CNTNAP2: variants seen among roughly 807,000 people sequenced by gnomAD.
The protein encoded by CNTNAP2 is contactin-associated protein-like 2.
Under a neutral mutation model 155.2 loss-of-function variants are expected in CNTNAP2, and 98 were observed. The ratio of observed to expected loss-of-function variants is 0.63; its 90% CI spans 0.54 to 0.75. The LOEUF (loss-of-function observed/expected upper bound fraction) is 0.75, where lower values mean the gene tolerates loss of function less well. Ranked by LOEUF, CNTNAP2 falls within the 30% of genes least tolerant of loss-of-function variation. The probability of loss-of-function intolerance (pLI) is 0.00; values close to 1 mark genes in which losing one functional copy is unlikely to be tolerated. For synonymous variants in CNTNAP2, 651 were observed against 631.2 expected (o/e 1.03, Z -0.47); for missense variants, 1,727 against 1,688.1 (o/e 1.02, Z -0.40).
At chr7:147,714,416 A>G (rs1796450806) in intron 13 of CNTNAP2, among the ~76,000 whole-genome samples, 1 of 136,710 alleles carries the variant, frequency 7.3e-6, no homozygotes. Context: ...GAAGAGAGAG[A>G]AAGAGGTTCT....
At chr7:147,407,850 C>T (rs1442159931) in intron 10 of CNTNAP2, among the ~76,000 whole-genome samples, 6 of 152,082 alleles carry the variant, frequency 3.9e-5, no homozygotes, top group Non-Finnish European at 7.3e-5. Context: ...GGAGCATTAG[C>T]CTCGGATGAT....
At chr7:146,441,070 C>A (rs1167531873) in intron 1 of CNTNAP2, among the ~76,000 whole-genome samples, 1 of 151,462 alleles carries the variant, frequency 6.6e-6, no homozygotes, top group Non-Finnish European at 1.5e-5. Flanking sequence ...ATTTCACTTA[C>A]TCATAAGTTG....
chr7:146,175,454 T>C (rs1345477478), intron 1 of CNTNAP2, among the ~76,000 whole-genome samples: 1 of 152,114 alleles, frequency 6.6e-6, no homozygotes, highest in Non-Finnish European at 1.5e-5. Flanking sequence ...GGTGGGGCTG[T>C]TCAGTTGGAG....
At chr7:146,740,283 G>A (rs1801690260) in intron 1 of CNTNAP2, among the ~76,000 whole-genome samples, 1 of 147,414 alleles carries the variant, frequency 6.8e-6, no homozygotes, top group Non-Finnish European at 1.5e-5. Context: ...TCAGCTCCAG[G>A]ATTTCTGTTT....
intron 21 of CNTNAP2, among the ~76,000 whole-genome samples, chr7:148,301,380 T>A (rs1422008560): frequency 1.0e-4 from 15 of 146,860 alleles, no homozygotes; most frequent in Non-Finnish European, 4.5e-5. Flanking sequence ...AAAAAAAGAC[T>A]ATGGGCAAGC....
intron 1 of CNTNAP2, among the ~76,000 whole-genome samples, chr7:146,612,280 T>C (rs1400414079): frequency 1.3e-5 from 2 of 152,202 alleles, no homozygotes; most frequent in Non-Finnish European, 1.5e-5. Flanking sequence ...TGGACCTTTT[T>C]TCTTGTTCCA....
intron 1 of CNTNAP2, among the ~76,000 whole-genome samples, chr7:146,377,078 G>T (rs928589652): frequency 3.3e-5 from 5 of 152,034 alleles, no homozygotes; most frequent in Non-Finnish European, 7.4e-5. Flanking sequence ...CAGCACAAAT[G>T]GTCTCATACA....
intron 9 of CNTNAP2, among the ~76,000 whole-genome samples, chr7:147,361,075 G>A (rs1796140391): frequency 6.6e-6 from 1 of 151,926 alleles, no homozygotes; most frequent in Non-Finnish European, 1.5e-5. Context: ...TCAAAGTGCT[G>A]GAACTTATCA....
chr7:146,892,864 A>G (rs1795807919), intron 3 of CNTNAP2, among the ~76,000 whole-genome samples: 1 of 152,208 alleles, frequency 6.6e-6, no homozygotes, highest in Non-Finnish European at 1.5e-5. Context: ...GAATGTTTGC[A>G]AAATTATTCC....
chr7:146,982,797 A>G (rs1292434757), intron 3 of CNTNAP2, among the ~76,000 whole-genome samples: 3 of 152,226 alleles, frequency 2.0e-5, no homozygotes, highest in Non-Finnish European at 2.9e-5. Flanking sequence ...GGTCCAGAGA[A>G]GAAAAGACAG....
intron 15 of CNTNAP2, among the ~76,000 whole-genome samples, chr7:147,985,407 C>CT (rs34093586): frequency 0.02 from 2,188 of 108,046 alleles, 129 homozygotes; most frequent in African/African-American, 0.037. Context: ...TATGTTTTTA[C>CT]TTTTTTTTTT....
intron 3 of CNTNAP2, among the ~76,000 whole-genome samples, chr7:146,902,711 G>A (rs368302338): frequency 1.3e-5 from 2 of 152,184 alleles, no homozygotes; most frequent in South Asian, 2.1e-4. Flanking sequence ...CTGGTTAACT[G>A]GAGCCCTTTC....
At position 146,237,345 on chromosome 7, in the gene CNTNAP2, G is replaced by A. The variant is rs528059058; in HGVS notation, c.97+120372G>A. On this transcript the variant is annotated intron_variant, in intron 1 of 23. Coordinates refer to ENST00000361727, the MANE Select transcript of CNTNAP2 (RefSeq NM_014141.6). ...GTTCTGTCCAAATTCACACATGGAG[G>A]CAAAGGTAGCCATACAAAGTGATGA... Among the ~76,000 whole-genome samples, 5 of 152,298 alleles carry A rather than the reference G, an allele frequency of 3.3e-5. No homozygotes were observed. The East Asian group carries it at 5.8e-4, about 18-fold the overall frequency.
chr7:146,573,689 T>C (rs933718805), intron 1 of CNTNAP2, among the ~76,000 whole-genome samples: 6 of 152,336 alleles, frequency 3.9e-5, no homozygotes, highest in East Asian at 3.9e-4. Flanking sequence ...CAGTTATTTT[T>C]ACTTATCAAG....
At position 147,060,183 on chromosome 7, in the gene CNTNAP2, A is replaced by T. The variant is rs190337111; in HGVS notation, c.550+16129A>T. 2.6e-3 allele frequency among the ~76,000 whole-genome samples: 312 copies of T among 122,106 alleles called. 2 individuals are homozygous for T. Among genetic ancestry groups the T allele is most frequent in the Middle Eastern group, 0.017 (4 of 236 alleles). 80.1% of individuals were successfully genotyped at this position (122,106 alleles called of 152,430 possible). ...CTCAAAGGTCCCAAAGTAACAATTT[A>T]AAAAAAAAAATGTATCTGTCCTTGA... On this transcript the variant is annotated intron_variant, in intron 4 of 23. Coordinates refer to ENST00000361727, the MANE Select transcript of CNTNAP2 (RefSeq NM_014141.6).
intron 3 of CNTNAP2, among the ~76,000 whole-genome samples, chr7:146,955,657 C>A (rs907267213): frequency 6.6e-6 from 1 of 151,868 alleles, no homozygotes. Context: ...AGAAATAATT[C>A]TTTTAAGAGC....
chr7:147,090,496 T>C (rs1258963016), intron 4 of CNTNAP2, among the ~76,000 whole-genome samples: 1 of 152,186 alleles, frequency 6.6e-6, no homozygotes, highest in Non-Finnish European at 1.5e-5. Flanking sequence ...CATTTATTCT[T>C]ACTGGTCCCA....
intron 10 of CNTNAP2, among the ~76,000 whole-genome samples, chr7:147,485,696 T>G (rs1798497551): frequency 6.6e-6 from 1 of 152,200 alleles, no homozygotes; most frequent in Non-Finnish European, 1.5e-5. Flanking sequence ...CTCAGTTGTT[T>G]GTTAGTGTCT....
At chr7:146,400,277 A>T (rs868688058) in intron 1 of CNTNAP2, among the ~76,000 whole-genome samples, 119 of 146,482 alleles carry the variant, frequency 8.1e-4, no homozygotes, top group African/African-American at 2.8e-3. Context: ...AAAAAAAAAA[A>T]ATATGAAAAA....
Sources: allele counts gnomAD v4.1 joint callset (sites outside exome capture counted in the v4.1 genomes callset), GRCh38; gene constraint gnomAD v4.1.1; transcripts MANE v1.5; gene names NCBI Gene and HGNC (gene_info 2026-07-23, HGNC 2026-07-21).